ADARB2: variants seen among roughly 807,000 people sequenced by gnomAD.
The protein encoded by ADARB2 is inactive double-stranded RNA-specific editase B2.
A neutral mutation model predicts 62.2 loss-of-function variants in ADARB2; 25 were observed. The observed-to-expected ratio is 0.40, with a 90% confidence interval of 0.29 to 0.56. ADARB2 has a LOEUF of 0.56. Among genes scored for constraint, ADARB2 ranks in the 20% least tolerant of loss-of-function variants. The pLI is 0.43. For missense variants in ADARB2, 1,071 were observed against 1,077.4 expected (o/e 0.99, Z 0.08); for synonymous variants, 572 against 500.8 (o/e 1.14, Z -1.90).
intron 3 of ADARB2, among the ~76,000 whole-genome samples, chr10:1,361,952 C>T (rs1458449283): frequency 6.6e-6 from 1 of 152,240 alleles, no homozygotes; most frequent in East Asian, 1.9e-4. Context: ...GTATCTGCTA[C>T]ATTAGTGATG....
chr10:1,252,190 A>G (rs970469549), intron 4 of ADARB2, among the ~76,000 whole-genome samples: 11 of 152,234 alleles, frequency 7.2e-5, no homozygotes, highest in Non-Finnish European at 1.5e-4. Flanking sequence ...TTGGAGGAAA[A>G]GGATTACCAA....
chr10:1,543,971 T>C (rs1328056167), intron 1 of ADARB2, among the ~76,000 whole-genome samples: 1 of 147,088 alleles, frequency 6.8e-6, no homozygotes, highest in Admixed American at 6.9e-5. Flanking sequence ...CAGATAGCTC[T>C]TACTGAAAGC....
intron 1 of ADARB2, among the ~76,000 whole-genome samples, chr10:1,690,730 C>T (rs935366325): frequency 3.2e-4 from 49 of 152,160 alleles, no homozygotes; most frequent in African/African-American, 1.2e-3. Context: ...GACTGCACCC[C>T]GTGGATGTCT....
intron 3 of ADARB2, among the ~76,000 whole-genome samples, chr10:1,344,304 A>G (rs1832058590): frequency 6.6e-6 from 1 of 152,220 alleles, no homozygotes; most frequent in Non-Finnish European, 1.5e-5. Flanking sequence ...GTCATGTGTG[A>G]ACTCTTGGAG....
At chr10:1,594,158 C>CG (rs1833302189) in intron 1 of ADARB2, among the ~76,000 whole-genome samples, 1 of 152,032 alleles carries the variant, frequency 6.6e-6, no homozygotes, top group African/African-American at 2.4e-5. Context: ...GGCATGGTGG[C>CG]GGGCGCCTGT....
At chr10:1,287,162 C>A (rs756681695) in intron 3 of ADARB2, among the ~76,000 whole-genome samples, 28 of 152,198 alleles carry the variant, frequency 1.8e-4, no homozygotes, top group Admixed American at 1.7e-3. Flanking sequence ...GCCTGTCCCC[C>A]ACGACTGTGC....
chr10:1,523,411 C>T (rs572946730), intron 1 of ADARB2, among the ~76,000 whole-genome samples: 42 of 152,192 alleles, frequency 2.8e-4, no homozygotes, highest in Admixed American at 1.4e-3. Context: ...ATGCACGTCA[C>T]GCAGCCCTGA....
At chr10:1,478,010 T>C (rs1008238556) in intron 1 of ADARB2, among the ~76,000 whole-genome samples, 1 of 152,056 alleles carries the variant, frequency 6.6e-6, no homozygotes, top group Admixed American at 6.6e-5. Flanking sequence ...TTGGGTTCTC[T>C]CCCTGTGAAA....
At chr10:1,547,139 G>A (rs1832533224) in intron 1 of ADARB2, among the ~76,000 whole-genome samples, 1 of 152,242 alleles carries the variant, frequency 6.6e-6, no homozygotes, top group African/African-American at 2.4e-5. Context: ...GCATAGCAGT[G>A]CAGGTGACAT....
chr10:1,432,742 A>T (rs1273998126), intron 1 of ADARB2, among the ~76,000 whole-genome samples: 1 of 151,390 alleles, frequency 6.6e-6, no homozygotes, highest in African/African-American at 2.4e-5. Context: ...TATTCAAAGA[A>T]TCAATGCAAA....
At chr10:1,611,487 G>A (rs905890857) in intron 1 of ADARB2, among the ~76,000 whole-genome samples, 8 of 152,010 alleles carry the variant, frequency 5.3e-5, no homozygotes, top group South Asian at 4.1e-4. Flanking sequence ...TGCTTCACTC[G>A]CTGGAGCTCC....
intron 1 of ADARB2, among the ~76,000 whole-genome samples, chr10:1,591,448 G>C (rs1010934234): frequency 3.3e-5 from 5 of 152,230 alleles, no homozygotes; most frequent in Non-Finnish European, 7.3e-5. Context: ...TGGACCCAAA[G>C]GCATCGAGAC....
intron 1 of ADARB2, among the ~76,000 whole-genome samples, chr10:1,689,138 C>A (rs1014381019): frequency 1.3e-5 from 2 of 152,166 alleles, no homozygotes; most frequent in African/African-American, 4.8e-5. Flanking sequence ...AACTGGCTGC[C>A]AGGAGATGAA....
chr10:1,534,635 A>G (rs1487160432), intron 1 of ADARB2: 4 of 153,084 alleles, frequency 2.6e-5, no homozygotes, highest in Non-Finnish European at 4.4e-5. Context: ...TCCCTGTTTT[A>G]CCCTGTGGTC....
At chr10:1,593,810 A>G (rs1833298796) in intron 1 of ADARB2, among the ~76,000 whole-genome samples, 1 of 152,092 alleles carries the variant, frequency 6.6e-6, no homozygotes, top group Admixed American at 6.5e-5. Flanking sequence ...TTCCTAATAC[A>G]GTGCTTGGTA....
Position 1,179,402 on chromosome 10 carries a change from A to G in ADARB2, c.*3791T>C, listed in dbSNP as rs923782349. ...AAAGAGAATCACAGGAATGGAAAGG[A>G]AACAATAGCTATCGACCTGCACATC... is the stretch of plus-strand genomic sequence containing the variant. On this transcript the variant is annotated 3_prime_UTR_variant, in exon 10 of 10. Transcript: ENST00000381312. 2.0e-5 allele frequency: 3 copies of G among 152,254 alleles called. No individual in the cohort carries two copies. The highest frequency in any genetic ancestry group is 2.0e-4 in the Admixed American group (3 of 15,286). 9.4% of individuals were successfully genotyped at this position (152,254 alleles called of 1,614,324 possible).
Position 1,688,743 on chromosome 10 carries a change from G to A in ADARB2, c.100+48308C>T, listed in dbSNP as rs538101532. On this transcript the variant is annotated intron_variant, in intron 1 of 9. Coordinates refer to ENST00000381312, the MANE Select transcript of ADARB2 (RefSeq NM_018702.4). ...ACTGTACTGGCTCAGTTTGAGAGGG[G>A]AATGGTGACTTACGTTAGCGCTGAC... is the stretch of plus-strand genomic sequence containing the variant. Among the ~76,000 whole-genome samples, 5 of 152,274 alleles carry A rather than the reference G, an allele frequency of 3.3e-5. No individual in the cohort carries two copies. The East Asian group carries it at 9.7e-4, about 29-fold the overall frequency.
At chr10:1,213,745 C>T (rs1191605234) in intron 7 of ADARB2, among the ~76,000 whole-genome samples, 1 of 152,246 alleles carries the variant, frequency 6.6e-6, no homozygotes, top group African/African-American at 2.4e-5. Context: ...AGCCCCTGGC[C>T]AGGAAGCAGT....
intron 1 of ADARB2, among the ~76,000 whole-genome samples, chr10:1,642,154 T>C (rs915166712): frequency 3.3e-5 from 5 of 152,240 alleles, no homozygotes; most frequent in African/African-American, 1.2e-4. Context: ...TTTTGAAAAT[T>C]TGACCCAAAA....
Sources: gnomAD v4.1 joint callset for allele counts (sites outside exome capture counted in the v4.1 genomes callset) on GRCh38, gnomAD v4.1.1 for gene constraint, MANE v1.5 for transcripts, NCBI Gene and HGNC (gene_info 2026-07-23, HGNC 2026-07-21) for gene names.